DTNA: variants seen among roughly 807,000 people sequenced by gnomAD.
DTNA encodes dystrophin-related protein 3.
In DTNA, 43 loss-of-function variants were observed where a neutral mutation model predicts 100.7. That is an observed-to-expected ratio of 0.43 (90% confidence interval 0.33 to 0.55). The LOEUF is 0.55. DTNA is among the 20% of genes least tolerant of loss of function. The probability of loss-of-function intolerance (pLI) is 0.04; values close to 1 mark genes in which losing one functional copy is unlikely to be tolerated. For synonymous variants in DTNA, 349 were observed against 347.9 expected (o/e 1.00, Z -0.04); for missense variants, 798 against 953.9 (o/e 0.84, Z 2.15).
intron 15 of DTNA, among the ~76,000 whole-genome samples, chr18:34,854,547 G>A (rs2096530295): frequency 6.6e-6 from 1 of 152,128 alleles, no homozygotes; most frequent in African/African-American, 2.4e-5. Context: ...TCTGCTGTTG[G>A]AAGGCTGTGC....
intron 13 of DTNA, among the ~76,000 whole-genome samples, chr18:34,846,393 C>T (rs923771814): frequency 6.6e-6 from 1 of 152,016 alleles, no homozygotes; most frequent in Non-Finnish European, 1.5e-5. Flanking sequence ...TTTTGAGCAC[C>T]TCATGTGTTC....
At chr18:34,617,793 T>C (rs979193918) in intron 1 of DTNA, among the ~76,000 whole-genome samples, 2 of 152,182 alleles carry the variant, frequency 1.3e-5, no homozygotes, top group Non-Finnish European at 2.9e-5. Flanking sequence ...CATAATGCTA[T>C]TGCACACTTA....
intron 1 of DTNA, among the ~76,000 whole-genome samples, chr18:34,496,155 A>ATATGAG (rs1169656414): frequency 6.6e-6 from 1 of 151,684 alleles, no homozygotes; most frequent in Non-Finnish European, 1.5e-5. Context: ...TGATCTGTGG[A>ATATGAG]TATGAGAAAA....
At chr18:34,742,762 G>GAAAT (rs1390613741) in intron 1 of DTNA, among the ~76,000 whole-genome samples, 1 of 137,990 alleles carries the variant, frequency 7.2e-6, no homozygotes, top group African/African-American at 2.7e-5. Context: ...GTTAGGATAA[G>GAAAT]AAATAAATAA....
chr18:34,624,741 C>A (rs1417182646), intron 1 of DTNA, among the ~76,000 whole-genome samples: 1 of 152,190 alleles, frequency 6.6e-6, no homozygotes, highest in Non-Finnish European at 1.5e-5. Flanking sequence ...GTGACTCATC[C>A]AGAGCTCACA....
chr18:34,527,677 AAAAT>A (rs2145404862), intron 1 of DTNA, among the ~76,000 whole-genome samples: 1 of 152,240 alleles, frequency 6.6e-6, no homozygotes, highest in South Asian at 2.1e-4. Context: ...CTATAGAACA[AAAAT>A]AAAAGCCAGA....
At chr18:34,637,971 T>C (rs2058839865) in intron 1 of DTNA, among the ~76,000 whole-genome samples, 1 of 152,216 alleles carries the variant, frequency 6.6e-6, no homozygotes, top group Non-Finnish European at 1.5e-5. Flanking sequence ...GCATCTCCTC[T>C]TCACATTGGA....
chr18:34,812,009 T>C lies in DTNA; in HGVS notation c.499T>C (p.Tyr167His). ...DSSGVMVYGR[Y>H]DQFLREVLKL... is the part of the protein sequence containing the mutation. ...CAGTGGGGTGATGGTTTATGGACGA[T>C]ATGACCAATTCCTTCGGGAAGTTCT... is the stretch of plus-strand genomic sequence containing the variant. Residue 167 changes from tyrosine (Y) to histidine (H), a missense_variant, in exon 6 of 23, where the codon TAT (tyrosine) becomes CAT (histidine). Physicochemically the swap from Tyr to His is moderately conservative, Grantham distance 83. Coordinates refer to ENST00000444659, the MANE Select transcript of DTNA (RefSeq NM_001386795.1). 1 of 1,614,134 alleles carries C rather than the reference T, an allele frequency of 6.2e-7. No homozygotes were observed. Among genetic ancestry groups the C allele is most frequent in the Non-Finnish European group, 8.5e-7 (1 of 1,179,974 alleles).
chr18:34,570,993 G>GCATT, intron 1 of DTNA, among the ~76,000 whole-genome samples: 1 of 152,280 alleles, frequency 6.6e-6, no homozygotes, highest in South Asian at 2.1e-4. Context: ...TAAGTGCTTT[G>GCATT]CATTCATTGC....
At position 34,806,245 on chromosome 18, in the gene DTNA, T is replaced by C. The variant is rs1295656933; in HGVS notation, c.389T>C (p.Phe130Ser). The C allele has an allele frequency of 6.2e-7, 1 of 1,613,880 alleles. No individual in the cohort carries two copies. The highest frequency in any genetic ancestry group is 2.2e-5 in the East Asian group (1 of 44,864). Reference sequence around the variant, plus strand: ...GAAGGCCATGGTAAAATTTCAGTATTTGCTGTCAAAATGGCTTTAGCCACA... The same window carrying C: ...GAAGGCCATGGTAAAATTTCAGTATCTGCTGTCAAAATGGCTTTAGCCACA... The part of the protein sequence containing the change: ...DPEGHGKISV[F>S]AVKMALATLC... The change falls in exon 5 of 23, where the codon TTT becomes TCT. Residue 130 changes from phenylalanine (F) to serine (S), a missense_variant. Physicochemically the swap from Phe to Ser is radical, Grantham distance 155 (BLOSUM62 -2). Coordinates refer to ENST00000444659, the MANE Select transcript of DTNA (RefSeq NM_001386795.1).
intron 16 of DTNA, among the ~76,000 whole-genome samples, chr18:34,858,858 G>A (rs912174227): frequency 1.3e-5 from 2 of 151,854 alleles, no homozygotes; most frequent in African/African-American, 4.8e-5. Flanking sequence ...TGATCCACCC[G>A]CCTTGGCCTC....
At chr18:34,684,384 T>G (rs1404706524) in intron 1 of DTNA, among the ~76,000 whole-genome samples, 2 of 152,126 alleles carry the variant, frequency 1.3e-5, no homozygotes, top group Non-Finnish European at 2.9e-5. Context: ...CACTTATGAG[T>G]GAGAACATGT....
intron 1 of DTNA, among the ~76,000 whole-genome samples, chr18:34,552,124 A>G (rs970434716): frequency 4.6e-5 from 7 of 151,876 alleles, no homozygotes; most frequent in African/African-American, 1.5e-4. Context: ...TTACTTTCCT[A>G]TGTTTAAATT....
At chr18:34,532,429 T>C (rs2145533220) in intron 1 of DTNA, among the ~76,000 whole-genome samples, 1 of 152,220 alleles carries the variant, frequency 6.6e-6, no homozygotes, top group Non-Finnish European at 1.5e-5. Flanking sequence ...AAAACTGCTC[T>C]AAGTTAGCTC....
At chr18:34,617,762 G>GT in intron 1 of DTNA, among the ~76,000 whole-genome samples, 1 of 151,992 alleles carries the variant, frequency 6.6e-6, no homozygotes, top group East Asian at 1.9e-4. Flanking sequence ...TTTAATTAAG[G>GT]TATCTACATT....
chr18:34,499,604 A>C (rs1216594053), intron 1 of DTNA, among the ~76,000 whole-genome samples: 1 of 152,172 alleles, frequency 6.6e-6, no homozygotes, highest in African/African-American at 2.4e-5. Context: ...ATGAGAAATA[A>C]GTTTCTCTGT....
intron 1 of DTNA, among the ~76,000 whole-genome samples, chr18:34,596,626 A>T (rs2147064253): frequency 6.6e-6 from 1 of 152,334 alleles, no homozygotes. Context: ...CTGTTACCAG[A>T]AATGGAAATT....
intron 1 of DTNA, among the ~76,000 whole-genome samples, chr18:34,648,116 G>A (rs1247175341): frequency 6.6e-6 from 1 of 152,182 alleles, no homozygotes; most frequent in Non-Finnish European, 1.5e-5. Context: ...AAGCATCTGA[G>A]TTGGGAAGAG....
chr18:34,648,752 C>T (rs2060127485), intron 1 of DTNA, among the ~76,000 whole-genome samples: 1 of 152,200 alleles, frequency 6.6e-6, no homozygotes, highest in Non-Finnish European at 1.5e-5. Context: ...TTCTTCAAAA[C>T]TTGTTCCAAG....
Sources: gnomAD v4.1 joint callset for allele counts (sites outside exome capture counted in the v4.1 genomes callset) on GRCh38, gnomAD v4.1.1 for gene constraint, MANE v1.5 for transcripts, NCBI Gene and HGNC (gene_info 2026-07-23, HGNC 2026-07-21) for gene names.